The following NEDD4 variants were observed in gnomAD, a reference collection of about 807,000 sequenced individuals.
NEDD4 encodes the protein E3 ubiquitin-protein ligase NEDD4.
In NEDD4, 99 loss-of-function variants were observed where a neutral mutation model predicts 144.9. The observed-to-expected ratio is 0.68, with a 90% CI of 0.58 to 0.81. The LOEUF (loss-of-function observed/expected upper bound fraction) is 0.81, where lower values mean the gene tolerates loss of function less well. NEDD4 is among the 30% of genes least tolerant of loss of function. The probability of loss-of-function intolerance (pLI) is 0.00; values close to 1 mark genes in which losing one functional copy is unlikely to be tolerated. For synonymous variants in NEDD4, 318 were observed against 350.6 expected, an observed-to-expected ratio of 0.91 and a Z score of 1.04; for missense variants, 985 against 1,065.9, an observed-to-expected ratio of 0.92 and a Z score of 1.06.
At position 55,863,022 on chromosome 15, in the gene NEDD4, CTTG is replaced by C. The variant is rs751282387; in HGVS notation, c.562_564del (p.Gln188del). The C allele has an allele frequency of 3.1e-5, 49 of 1,604,652 alleles. No homozygotes were observed. Among genetic ancestry groups the C allele is most frequent in the Middle Eastern group, 1.7e-4 (1 of 6,002 alleles). On this transcript the variant is annotated inframe_deletion, in exon 9 of 29. Transcript: ENST00000435532. The stretch of plus-strand genomic sequence containing the variant: ...CACCCTGGAGGTAGAGGAGAAGGTT[CTTG>C]TTGTTGCTGCAAATGGCAAGCAGCA...
intron 1 of NEDD4, among the ~76,000 whole-genome samples, chr15:55,992,257 C>CCAT (rs778819470): frequency 2.4e-4 from 36 of 152,306 alleles, no homozygotes; most frequent in Non-Finnish European, 4.0e-4. Flanking sequence ...CACCATTTGT[C>CCAT]CATCATCACT....
intron 1 of NEDD4, among the ~76,000 whole-genome samples, chr15:55,976,463 T>C (rs2037700977): frequency 6.6e-6 from 1 of 152,096 alleles, no homozygotes; most frequent in Non-Finnish European, 1.5e-5. Flanking sequence ...AAAACAAGTA[T>C]TTGAAAAGGT....
chr15:55,840,039 T>TATATATAA, intron 21 of NEDD4, among the ~76,000 whole-genome samples: 1 of 78,448 alleles, frequency 1.3e-5, no homozygotes, highest in Non-Finnish European at 2.5e-5. Context: ...TATATATATA[T>TATATATAA]ATAACATTCA....
chr15:55,940,663 G>A (rs1329464761), intron 4 of NEDD4, among the ~76,000 whole-genome samples: 1 of 151,886 alleles, frequency 6.6e-6, no homozygotes, highest in Non-Finnish European at 1.5e-5. Context: ...AAGTAGCTGG[G>A]TCTATAGGTG....
chr15:55,827,326 T>C lies in NEDD4; in HGVS notation c.*2571A>G, dbSNP rs1037261165. On this transcript the variant is annotated 3_prime_UTR_variant, in exon 29 of 29. Transcript: ENST00000435532. ...CGCAGTAGAATGCATTTGAGACACT[T>C]TTCTATCTGGGATAAGGGGCTGTGT... 5 of 152,210 alleles carry C rather than the reference T, an allele frequency of 3.3e-5. No individual in the cohort carries two copies. The highest frequency in any genetic ancestry group is 1.2e-4 in the African/African-American group (5 of 41,446). 9.4% of individuals were successfully genotyped at this position (152,210 alleles called of 1,614,324 possible).
chr15:55,948,623 A>C (rs1402647303), intron 4 of NEDD4, among the ~76,000 whole-genome samples: 1 of 152,246 alleles, frequency 6.6e-6, no homozygotes, highest in African/African-American at 2.4e-5. Context: ...CCAATGGAAC[A>C]GAAAAGAGCC....
At position 55,979,854 on chromosome 15, in the gene NEDD4, C is replaced by T. The variant is rs560824716; in HGVS notation, c.46-13308G>A. ...GAGGCAATAAACTTTATGCCTTTCT[C>T]CACTTTTAAAACTGAGATTTTGGAA... On this transcript the variant is annotated intron_variant, in intron 1 of 28. Coordinates refer to ENST00000435532, the MANE Select transcript of NEDD4 (RefSeq NM_006154.4). Among the ~76,000 whole-genome samples the T allele has an allele frequency of 5.9e-5, 9 of 152,092 alleles. No homozygotes were observed. In the South Asian group the frequency reaches 8.3e-4, roughly 14 times the overall value.
In NEDD4 at chr15:55,840,595, T is replaced by A; in HGVS notation, c.1960+11A>T. The A allele has an allele frequency of 6.2e-7, 1 of 1,613,990 alleles. No homozygotes were observed. The highest frequency in any genetic ancestry group is 8.5e-7 in the Non-Finnish European group (1 of 1,179,966). ...TAATTATATTGTAAAAAGTTTATAC[T>A]TAATACTAACCATCCAACAGTTTGC... On this transcript the variant is annotated intron_variant, in intron 20 of 28. Coordinates refer to ENST00000435532, the MANE Select transcript of NEDD4 (RefSeq NM_006154.4).
chr15:55,991,457 C>T (rs2037987401), intron 1 of NEDD4, among the ~76,000 whole-genome samples: 2 of 152,212 alleles, frequency 1.3e-5, no homozygotes, highest in African/African-American at 4.8e-5. Flanking sequence ...TTTTCCCTCT[C>T]TATCCCTGGT....
intron 11 of NEDD4, 41 bp downstream of exon 11, chr15:55,860,366 A>G (rs376492020): frequency 5.2e-5 from 83 of 1,598,728 alleles, no homozygotes; most frequent in Non-Finnish European, 7.0e-5. Context: ...TATGCATAAT[A>G]TAAACTACTG....
At chr15:55,834,932 C>T (rs962016429) in intron 24 of NEDD4, among the ~76,000 whole-genome samples, 7 of 152,128 alleles carry the variant, frequency 4.6e-5, no homozygotes, top group African/African-American at 7.2e-5. Flanking sequence ...ACCGCAGTGC[C>T]GCCTCTTCTT....
intron 5 of NEDD4, among the ~76,000 whole-genome samples, chr15:55,904,485 T>C (rs1471417248): frequency 2.0e-5 from 3 of 152,082 alleles, no homozygotes; most frequent in East Asian, 3.9e-4. Flanking sequence ...CTGTTTTCAG[T>C]AGAGACGAGG....
chr15:55,986,646 G>A (rs1365847069), intron 1 of NEDD4, among the ~76,000 whole-genome samples: 3 of 138,956 alleles, frequency 2.2e-5, no homozygotes, highest in Admixed American at 7.8e-5. Context: ...CTGGAGTGCA[G>A]TGGCATGATC....
intron 4 of NEDD4, among the ~76,000 whole-genome samples, chr15:55,944,327 G>A (rs1236357232): frequency 6.6e-6 from 1 of 152,196 alleles, no homozygotes; most frequent in Non-Finnish European, 1.5e-5. Context: ...GGCAGACCAG[G>A]AGATTCTCTC....
rs1169892938 is a variant in NEDD4 at position 55,829,235 on chromosome 15, A to G, written c.*662T>C. ...TGAACCATCTGTTTAGTAAAACTGC[A>G]TATTAACAAAAGCCAAATACTTCGA... is the stretch of plus-strand genomic sequence containing the variant. On this transcript the variant is annotated 3_prime_UTR_variant, in exon 29 of 29. Transcript: ENST00000435532. The G allele has an allele frequency of 6.6e-6, 1 of 152,252 alleles. No homozygotes were observed. The highest frequency in any genetic ancestry group is 1.5e-5 in the Non-Finnish European group (1 of 68,046). The allele number at this position is 152,252 out of a possible 1,614,324, so 9.4% of individuals were successfully genotyped here. A position where few individuals can be genotyped will look rare whatever the true frequency, so the allele number is the denominator to read the frequency against.
At chr15:55,915,405 C>A in intron 5 of NEDD4, 1 of 1,613,802 alleles carries the variant, frequency 6.2e-7, no homozygotes, top group Admixed American at 1.7e-5. Flanking sequence ...CCCTTTAGAA[C>A]AATTGTGCTT....
chr15:55,941,988 T>C (rs1255183346), intron 4 of NEDD4, among the ~76,000 whole-genome samples: 1 of 152,186 alleles, frequency 6.6e-6, no homozygotes, highest in Admixed American at 6.5e-5. Context: ...ACTTGGGTAT[T>C]AGCTGTAGTG....
chr15:55,977,766 C>CT (rs2037731104), intron 1 of NEDD4, among the ~76,000 whole-genome samples: 2 of 151,614 alleles, frequency 1.3e-5, no homozygotes, highest in South Asian at 2.1e-4. Context: ...AAAGATTATC[C>CT]TTTTTTTCTG....
chr15:55,889,533 T>C (rs2035497063), intron 5 of NEDD4, among the ~76,000 whole-genome samples: 1 of 151,904 alleles, frequency 6.6e-6, no homozygotes, highest in Admixed American at 6.6e-5. Context: ...ACAATTGAAC[T>C]GAGATAGAGA....
Sources: allele counts gnomAD v4.1 joint callset (sites outside exome capture counted in the v4.1 genomes callset), GRCh38; gene constraint gnomAD v4.1.1; transcripts MANE v1.5; gene names NCBI Gene and HGNC (gene_info 2026-07-23, HGNC 2026-07-21).